Variants in FHIT observed in about 807,000 individuals in gnomAD.
The protein encoded by FHIT is fragile histidine triad diadenosine triphosphatase.
Under a neutral mutation model 17.9 loss-of-function variants are expected in FHIT, and 19 were observed. The observed-to-expected ratio is 1.06, with a 90% CI of 0.74 to 1.56. The LOEUF is 1.56. FHIT is among the 40% of genes most tolerant of loss of function. The probability of loss-of-function intolerance (pLI) is 0.00; values close to 1 mark genes in which losing one functional copy is unlikely to be tolerated. For missense variants in FHIT, 248 were observed against 189.2 expected (o/e 1.31, Z -1.82); for synonymous variants, 81 against 69.7 (o/e 1.16, Z -0.81).
chr3:60,500,615 C>CA (rs141036805), intron 5 of FHIT, among the ~76,000 whole-genome samples: 28,155 of 150,330 alleles, frequency 0.19, 2,807 homozygotes, highest in South Asian at 0.28. Flanking sequence ...ACTAAAAATA[C>CA]AAAAAAAATT....
In FHIT at chr3:61,154,381, T is replaced by G. The variant is rs2037477118; in HGVS notation, c.-164+46236A>C. Among the ~76,000 whole-genome samples, 4 of 152,232 alleles carry G rather than the reference T, an allele frequency of 2.6e-5. No individual in the cohort carries two copies. The South Asian group carries it at 8.3e-4, about 32-fold the overall frequency. The stretch of plus-strand genomic sequence containing the variant: ...ACATGATAATGTAGAAGGAAGAACC[T>G]GCAGAATCAGAAAGGGGGGAAAAAC... On this transcript the variant is annotated intron_variant, in intron 2 of 9. Transcript: ENST00000492590.
intron 5 of FHIT, among the ~76,000 whole-genome samples, chr3:60,183,261 G>T (rs555829989): frequency 9.9e-5 from 15 of 151,966 alleles, no homozygotes; most frequent in Admixed American, 2.0e-4. Flanking sequence ...AGCTAGGTGT[G>T]GTGGTGCATG....
At chr3:61,114,062 C>T (rs561083236) in intron 2 of FHIT, among the ~76,000 whole-genome samples, 1 of 152,300 alleles carries the variant, frequency 6.6e-6, no homozygotes, top group Admixed American at 6.5e-5. Flanking sequence ...AGAATAAACA[C>T]TACTGGGCAC....
At chr3:59,754,522 A>G (rs1042686190) in intron 8 of FHIT, among the ~76,000 whole-genome samples, 3 of 152,212 alleles carry the variant, frequency 2.0e-5, no homozygotes, top group Non-Finnish European at 2.9e-5. Context: ...ACAATTCAAT[A>G]GGATGACAAA....
At chr3:61,120,053 A>G (rs2036411382) in intron 2 of FHIT, among the ~76,000 whole-genome samples, 1 of 152,188 alleles carries the variant, frequency 6.6e-6, no homozygotes, top group South Asian at 2.1e-4. Flanking sequence ...CTGAGTTACA[A>G]GAGATAATTA....
chr3:60,429,320 C>T (rs148174278), intron 5 of FHIT, among the ~76,000 whole-genome samples: 4 of 152,116 alleles, frequency 2.6e-5, no homozygotes, highest in Non-Finnish European at 4.4e-5. Context: ...GAAATGGTTA[C>T]GCTTTGGACA....
chr3:59,868,646 A>T (rs913581458), intron 8 of FHIT, among the ~76,000 whole-genome samples: 5 of 152,192 alleles, frequency 3.3e-5, no homozygotes, highest in Admixed American at 2.0e-4. Context: ...TACAAGTTCT[A>T]TTCCTGAACT....
rs539723204 is a variant in FHIT at position 60,778,505 on chromosome 3, C to A, written c.-18+43414G>T. 9.2e-5 allele frequency among the ~76,000 whole-genome samples: 14 copies of A among 152,250 alleles called. No homozygotes were observed. In the South Asian group the frequency reaches 2.5e-3, roughly 27 times the overall value. On this transcript the variant is annotated intron_variant, in intron 4 of 9. Transcript: ENST00000492590. ...GACTGAACTCAGGAAGCTGAAGCAA[C>A]CTTTTTGACTTTTGCTTGGAATATT...
At chr3:59,779,516 T>C (rs1004089512) in intron 8 of FHIT, among the ~76,000 whole-genome samples, 4 of 152,232 alleles carry the variant, frequency 2.6e-5, no homozygotes, top group Non-Finnish European at 4.4e-5. Flanking sequence ...AATAAGGCTT[T>C]AGTTACATGA....
intron 2 of FHIT, among the ~76,000 whole-genome samples, chr3:61,135,285 T>G (rs959359740): frequency 6.6e-6 from 1 of 152,240 alleles, no homozygotes. Context: ...AAATATGAAC[T>G]TAGGGACTTA....
At chr3:60,742,620 C>A (rs1311938727) in intron 4 of FHIT, among the ~76,000 whole-genome samples, 1 of 152,160 alleles carries the variant, frequency 6.6e-6, no homozygotes, top group Non-Finnish European at 1.5e-5. Context: ...ATTTCATGAC[C>A]AGCAGGCTAC....
At chr3:61,036,909 T>TTTTG (rs759714415) in intron 3 of FHIT, among the ~76,000 whole-genome samples, 3,532 of 136,276 alleles carry the variant, frequency 0.026, 153 homozygotes, top group Admixed American at 0.089. Flanking sequence ...TTGTTTTTTT[T>TTTTG]TTTTGTTTGT....
chr3:60,952,731 T>C (rs569726341), intron 3 of FHIT, among the ~76,000 whole-genome samples: 52 of 152,190 alleles, frequency 3.4e-4, no homozygotes, highest in African/African-American at 1.3e-3. Context: ...AGAAGGAAAG[T>C]CTCATTCTTA....
chr3:61,039,476 G>C (rs1022278018), intron 3 of FHIT, among the ~76,000 whole-genome samples: 2 of 152,044 alleles, frequency 1.3e-5, no homozygotes, highest in African/African-American at 4.8e-5. Context: ...ATGACAGACT[G>C]GATAAAGAAA....
chr3:60,317,961 T>C (rs2106790190), intron 5 of FHIT, among the ~76,000 whole-genome samples: 1 of 152,162 alleles, frequency 6.6e-6, no homozygotes, highest in African/African-American at 2.4e-5. Flanking sequence ...CAGACAATTT[T>C]TATATTTTTT....
chr3:60,733,997 A>C (rs1447536943), intron 4 of FHIT, among the ~76,000 whole-genome samples: 6 of 152,206 alleles, frequency 3.9e-5, no homozygotes, highest in African/African-American at 1.4e-4. Context: ...AGGCAACATA[A>C]AACACTTTAT....
intron 4 of FHIT, among the ~76,000 whole-genome samples, chr3:60,787,176 G>A (rs567437845): frequency 6.6e-6 from 1 of 152,096 alleles, no homozygotes; most frequent in Non-Finnish European, 1.5e-5. Context: ...GGTATAAAGA[G>A]AAATTTTTAT....
chr3:60,265,121 A>G (rs1706504225), intron 5 of FHIT, among the ~76,000 whole-genome samples: 1 of 151,940 alleles, frequency 6.6e-6, no homozygotes, highest in South Asian at 2.1e-4. Context: ...TGAAAAGTCT[A>G]CATCCCAGAG....
intron 5 of FHIT, among the ~76,000 whole-genome samples, chr3:60,096,459 C>A (rs116225828): frequency 6.6e-6 from 1 of 152,248 alleles, no homozygotes; most frequent in South Asian, 2.1e-4. Flanking sequence ...CAAACAGAAA[C>A]GCAAGTTCTC....
Sources: allele counts gnomAD v4.1 joint callset (sites outside exome capture counted in the v4.1 genomes callset), GRCh38; gene constraint gnomAD v4.1.1; transcripts MANE v1.5; gene names NCBI Gene and HGNC (gene_info 2026-07-23, HGNC 2026-07-21).